BICDL2: variants seen among roughly 807,000 people sequenced by gnomAD.
BICDL2 encodes the protein BICD family-like cargo adapter 2.
A neutral mutation model predicts 56.6 loss-of-function variants in BICDL2; 62 were observed. The observed-to-expected ratio is 1.10, with a 90% CI of 0.89 to 1.35. The LOEUF is 1.35. Among genes scored for constraint, BICDL2 ranks in the 40% most tolerant of loss-of-function variants. The pLI is 0.00. For missense variants in BICDL2, 808 were observed against 684.5 expected, an observed-to-expected ratio of 1.18 and a Z score of -2.01; for synonymous variants, 358 against 319.8, an observed-to-expected ratio of 1.12 and a Z score of -1.27.
chr16:3,030,566 G>T lies in BICDL2; in HGVS notation c.645C>A (p.Asp215Glu). The T allele has an allele frequency of 6.3e-7, 1 of 1,597,474 alleles. No homozygotes were observed. Among genetic ancestry groups the T allele is most frequent in the South Asian group, 1.1e-5 (1 of 89,468 alleles). Residue 215 changes from aspartate (D) to glutamate (E), a missense_variant, in exon 5 of 10, where the codon GAC becomes GAA. By Grantham distance (45) the Asp-to-Glu change is conservative. Coordinates refer to ENST00000572449, the MANE Select transcript of BICDL2 (RefSeq NM_001369667.1). The stretch of plus-strand genomic sequence containing the variant: ...GCAGGCCTCGGATCTGGGCCTCCAG[G>T]TCCTGCCGGCGGCTCTGCAGCATCT... The part of the protein sequence containing the change: ...ENQMLQSRRQ[D>E]LEAQIRGLRE...
chr16:3,027,695 G>C lies in BICDL2; in HGVS notation c.*411C>G, dbSNP rs1173659880. 1 of 1,505,442 alleles carries C rather than the reference G, an allele frequency of 6.6e-7. No homozygotes were observed. The highest frequency in any genetic ancestry group is 9.0e-7 in the Non-Finnish European group (1 of 1,112,166). The allele number at this position is 1,505,442 out of a possible 1,614,324, so 93.3% of individuals were successfully genotyped here. A position where few individuals can be genotyped will look rare whatever the true frequency, so the allele number is the denominator to read the frequency against. ...CCCCCAGCCAGCTCAGGGTTTTAGA[G>C]TGTTTTTCATTTTCTTTTTTTTTTT... On this transcript the variant is annotated 3_prime_UTR_variant, in exon 10 of 10. Coordinates refer to ENST00000572449, the MANE Select transcript of BICDL2 (RefSeq NM_001369667.1).
intron 1 of BICDL2, chr16:3,036,493 G>T (rs748700642): frequency 6.6e-6 from 3 of 456,122 alleles, no homozygotes; most frequent in Non-Finnish European, 1.3e-5. Flanking sequence ...TCCTCCTCTC[G>T]CCCGGTGTCC....
At position 3,035,397 on chromosome 16, in the gene BICDL2, G is replaced by C; in HGVS notation, c.100C>G (p.Arg34Gly). 1.2e-6 allele frequency: 2 copies of C among 1,611,726 alleles called. No homozygotes were observed. The highest frequency in any genetic ancestry group is 1.7e-6 in the Non-Finnish European group (2 of 1,179,494). Residue 34 changes from arginine to glycine, a missense_variant, in exon 2 of 10, where the codon CGG (arginine) becomes GGG (glycine). Transcript: ENST00000572449. ...EGFFPFVLER[R>G]DSFLGGGPGP... ...GGGCCCCCTCCCAGGAATGAGTCCC[G>C]CCGCTCCAGCACAAAGGGGAAGAAG...
intron 1 of BICDL2, chr16:3,036,208 G>A (rs1447621774): frequency 1.8e-5 from 8 of 451,222 alleles, no homozygotes; most frequent in South Asian, 1.2e-4. Context: ...GGACTCAGGA[G>A]CCCTGACCCT....
At position 3,030,459 on chromosome 16, in the gene BICDL2, T is replaced by TGCTCCCGCC. The variant is rs759909892; in HGVS notation, c.743_751dup (p.Arg248_Glu250dup). 1 of 1,593,898 alleles carries TGCTCCCGCC rather than the reference T, an allele frequency of 6.3e-7. No homozygotes were observed. Among genetic ancestry groups the TGCTCCCGCC allele is most frequent in the Admixed American group, 1.7e-5 (1 of 58,840 alleles). On this transcript the variant is annotated inframe_insertion, in exon 5 of 10. Transcript: ENST00000572449. ...AGCCCTGCAGGTCACCTCCAGGCTG[T>TGCTCCCGCC]GCTCCCGCCGCTCCCGCCTCAGCAG... is the stretch of plus-strand genomic sequence containing the variant.
In BICDL2 at chr16:3,030,988, C is replaced by T; in HGVS notation, c.445G>A (p.Ala149Thr). The change falls in exon 3 of 10, where the codon GCC (alanine) becomes ACC (threonine). Residue 149 changes from alanine (A) to threonine (T), a missense_variant. Ala to Thr is a moderately conservative substitution (Grantham distance 58). Transcript: ENST00000572449. ...QQDSGRERAR[A>T]LSELSEQNLR... ...TTCTGCTCGCTGAGCTCGCTGAGGG[C>T]CCGTGCCCGTTCTCGCCCACTGTCC... is the stretch of plus-strand genomic sequence containing the variant. The T allele has an allele frequency of 6.4e-7, 1 of 1,553,600 alleles. No individual in the cohort carries two copies.
At chr16:3,036,531 G>C (rs975118189) in intron 1 of BICDL2, 28 of 455,486 alleles carry the variant, frequency 6.1e-5, no homozygotes, top group African/African-American at 5.4e-4. Flanking sequence ...CAGGACGTGA[G>C]TGTCACGGTG....
chr16:3,029,547 G>C lies in BICDL2; in HGVS notation c.955C>G (p.Pro319Ala). 1 of 1,550,222 alleles carries C rather than the reference G, an allele frequency of 6.5e-7. No homozygotes were observed. Among genetic ancestry groups the C allele is most frequent in the South Asian group, 1.2e-5 (1 of 85,190 alleles). The change falls in exon 6 of 10, where the codon CCG becomes GCG. Residue 319 changes from proline (P) to alanine (A), a missense_variant and splice_region_variant. Pro to Ala is a conservative substitution (Grantham distance 27). Coordinates refer to ENST00000572449, the MANE Select transcript of BICDL2 (RefSeq NM_001369667.1). Reference protein sequence around the residue: ...GQGADAPGDTPTTRSPKTRKA... With the variant: ...GQGADAPGDTATTRSPKTRKA... ...GGGCTGGGGCCCCACGAGCTCACCG[G>C]GGTGTCTCCGGGTGCGTCGGCGCCC... is the stretch of plus-strand genomic sequence containing the variant.
At chr16:3,036,449 A>G (rs1178037872) in intron 1 of BICDL2, 2 of 455,982 alleles carry the variant, frequency 4.4e-6, no homozygotes, top group South Asian at 3.1e-5. Flanking sequence ...CCGGGGGCTC[A>G]CCACCCACTA....
chr16:3,027,786 G>A lies in BICDL2; in HGVS notation c.*320C>T. ...TCTTTCTATGAATGGGGGCCAAATC[G>A]GTGGAGTGATTTATATATTACTCTG... On this transcript the variant is annotated 3_prime_UTR_variant, in exon 10 of 10. Transcript: ENST00000572449. 9.5e-7 allele frequency: 1 copy of A among 1,048,588 alleles called. No individual in the cohort carries two copies. The highest frequency in any genetic ancestry group is 1.3e-6 in the Non-Finnish European group (1 of 742,248). 65.0% of individuals were successfully genotyped at this position (1,048,588 alleles called of 1,614,324 possible).
In BICDL2 at chr16:3,035,423, C is replaced by T; in HGVS notation, c.74G>A (p.Gly25Asp). 2 of 1,612,538 alleles carry T rather than the reference C, an allele frequency of 1.2e-6. No individual in the cohort carries two copies. The highest frequency in any genetic ancestry group is 1.7e-6 in the Non-Finnish European group (2 of 1,179,824). Residue 25 changes from glycine (G) to aspartate (D), a missense_variant, in exon 2 of 10, where the codon GGC (glycine) becomes GAC (aspartate). By Grantham distance (94) the Gly-to-Asp change is moderately conservative (BLOSUM62 -1). Transcript: ENST00000572449. ...SGGASPSGDE[G>D]FFPFVLERRD... is the part of the protein sequence containing the mutation. ...CCGCTCCAGCACAAAGGGGAAGAAGCCCTCGTCGCCGCTGGGAGAGGCGCC... is the reference window on the plus strand; with the variant it reads ...CCGCTCCAGCACAAAGGGGAAGAAGTCCTCGTCGCCGCTGGGAGAGGCGCC...
intron 3 of BICDL2, 61 bp downstream of exon 3, chr16:3,030,874 G>A (rs933924575): frequency 1.1e-5 from 17 of 1,548,880 alleles, no homozygotes; most frequent in Middle Eastern, 1.7e-4. Context: ...CCTACTCCCC[G>A]CTGGGGACCC....
Position 3,031,353 on chromosome 16 carries a change from A to G in BICDL2, c.283-203T>C, listed in dbSNP as rs903133332. 23 of 590,826 alleles carry G rather than the reference A, an allele frequency of 3.9e-5. No individual in the cohort carries two copies. The South Asian group carries it at 4.2e-4, about 11-fold the overall frequency. The allele number at this position is 590,826 out of a possible 1,614,324, so 36.6% of individuals were successfully genotyped here. ...TTTAGAGGGAAGGTTCCGAGCAGAC[A>G]GGACGCGTGGGCCCGGGGCAAGGGT... On this transcript the variant is annotated intron_variant, in intron 2 of 9. Transcript: ENST00000572449.
In BICDL2 at chr16:3,030,573, C is replaced by T. The variant is rs755472084; in HGVS notation, c.638G>A (p.Arg213Gln). ...QGENQMLQSR[R>Q]QDLEAQIRGL... ...TCGGATCTGGGCCTCCAGGTCCTGC[C>T]GGCGGCTCTGCAGCATCTGGTTCTG... The change falls in exon 5 of 10, where the codon CGG becomes CAG. Residue 213 changes from arginine to glutamine, a missense_variant. Physicochemically the swap from Arg to Gln is conservative, Grantham distance 43. Coordinates refer to ENST00000572449, the MANE Select transcript of BICDL2 (RefSeq NM_001369667.1). 1.7e-5 allele frequency: 27 copies of T among 1,596,466 alleles called. No individual in the cohort carries two copies. In the Admixed American group the frequency reaches 2.4e-4, roughly 14 times the overall value.
At chr16:3,028,504 G>A in intron 8 of BICDL2, 36 bp from the exon 9 acceptor site, 1 of 1,566,820 alleles carries the variant, frequency 6.4e-7, no homozygotes, top group Non-Finnish European at 8.6e-7. Context: ...GTTTGAGGGC[G>A]CTAGGGCCTC....
chr16:3,028,286 G>A lies in BICDL2; in HGVS notation c.1360-13C>T, dbSNP rs764821017. ...CCTGCATGTCGTCCTGCGGGAGGCC[G>A]TGGTCGGCTCAGCGCCGGTCCCGCC... is the stretch of plus-strand genomic sequence containing the variant. On this transcript the variant is annotated splice_polypyrimidine_tract_variant and intron_variant, in intron 9 of 9. Coordinates refer to ENST00000572449, the MANE Select transcript of BICDL2 (RefSeq NM_001369667.1). 29 of 1,496,304 alleles carry A rather than the reference G, an allele frequency of 1.9e-5. No homozygotes were observed. The highest frequency in any genetic ancestry group is 2.6e-5 in the Non-Finnish European group (29 of 1,136,388). The allele number at this position is 1,496,304 out of a possible 1,614,324, so 92.7% of individuals were successfully genotyped here.
Position 3,034,550 on chromosome 16 carries a change from G to A in BICDL2, c.282+665C>T, listed in dbSNP as rs556794586. Among the ~76,000 whole-genome samples, 71 of 152,232 alleles carry A rather than the reference G, an allele frequency of 4.7e-4. 1 individual carries two copies. The highest frequency in any genetic ancestry group is 2.9e-3 in the Admixed American group (45 of 15,292). On this transcript the variant is annotated intron_variant, in intron 2 of 9. Transcript: ENST00000572449. ...AGCCACCTCAGCCTCCCAAAGTGCTGGGATTACAGGTGTGAGCCACCATGC... is the reference window on the plus strand; with the variant it reads ...AGCCACCTCAGCCTCCCAAAGTGCTAGGATTACAGGTGTGAGCCACCATGC...
intron 7 of BICDL2, among the ~76,000 whole-genome samples, chr16:3,029,075 G>A (rs1955607695): frequency 1.3e-5 from 2 of 152,202 alleles, no homozygotes; most frequent in Non-Finnish European, 2.9e-5. Context: ...GAGAAGCATT[G>A]GGAGTGGAAC....
At position 3,028,702 on chromosome 16, in the gene BICDL2, G is replaced by C. The variant is rs200160527; in HGVS notation, c.1236C>G (p.Asn412Lys). The C allele has an allele frequency of 6.0e-5, 94 of 1,570,130 alleles. No individual in the cohort carries two copies. Among genetic ancestry groups the C allele is most frequent in the Non-Finnish European group, 8.1e-5 (94 of 1,157,798 alleles). The change falls in exon 8 of 10, where the codon AAC becomes AAG. Residue 412 changes from asparagine (N) to lysine (K), a missense_variant and splice_region_variant. Physicochemically the swap from Asn to Lys is moderately conservative, Grantham distance 94. Transcript: ENST00000572449. ...SALSDRDEAVNKALELSLQLN... is the reference protein window; with the variant it reads ...SALSDRDEAVKKALELSLQLN... ...GTGGTCAATGGCTTGAGGCTTACTT[G>C]TTCACGGCCTCGTCCCGGTCTGAGA...
Sources: gnomAD v4.1 joint callset for allele counts (sites outside exome capture counted in the v4.1 genomes callset) on GRCh38, gnomAD v4.1.1 for gene constraint, MANE v1.5 for transcripts, NCBI Gene and HGNC (gene_info 2026-07-23, HGNC 2026-07-21) for gene names.